The following CNIH3 variants were observed in gnomAD, a reference collection of about 807,000 sequenced individuals.
CNIH3 encodes the protein protein cornichon homolog 3.
CNIH3 carries 14 observed loss-of-function variants against 24.1 expected under a neutral mutation model. The ratio of observed to expected loss-of-function variants is 0.58; its 90% CI spans 0.38 to 0.91. CNIH3 has a LOEUF of 0.91. Ranked by LOEUF, CNIH3 falls within the 40% of genes least tolerant of loss-of-function variation. The pLI, the probability that CNIH3 is intolerant of heterozygous loss-of-function variation, is 0.00. For synonymous variants in CNIH3, 68 were observed against 73.8 expected (o/e 0.92, Z 0.40); for missense variants, 178 against 196.8 (o/e 0.90, Z 0.57).
In CNIH3 at chr1:224,684,471, T is replaced by A. The variant is rs1209834665; in HGVS notation, c.151-325T>A. Among the ~76,000 whole-genome samples the A allele has an allele frequency of 2.0e-5, 3 of 152,206 alleles. No homozygotes were observed. On this transcript the variant is annotated intron_variant, in intron 2 of 5. Coordinates refer to ENST00000272133, the MANE Select transcript of CNIH3 (RefSeq NM_152495.2). This position sits in a 1 kb window ranked among gnomAD's most constrained non-coding sequence, Gnocchi z 4.2. Reference sequence around the variant, plus strand: ...TGAACACGAGGTACCATTCAGCAGTTTGACCACCTTATACGTACATGGAGG... The same window carrying A: ...TGAACACGAGGTACCATTCAGCAGTATGACCACCTTATACGTACATGGAGG...
intron 4 of CNIH3, among the ~76,000 whole-genome samples, chr1:224,571,618 G>A (rs966425928): frequency 3.9e-5 from 6 of 152,094 alleles, no homozygotes; most frequent in African/African-American, 1.2e-4. Context: ...CCAGCTACTC[G>A]GGAGGCTGAG....
Position 224,575,018 on chromosome 1 carries a change from GGAGAA to G in CNIH3, n.517-8144_517-8140del, listed in dbSNP as rs1030273109. On this transcript the variant is annotated intron_variant and non_coding_transcript_variant, in intron 4 of 5. Coordinates refer to the CNIH3 transcript ENST00000471578. ...TTGAGTGCCACCCGTACCTCACTCA[GGAGAA>G]GTTAATCCAGTACTGCCAGTCCAAA... The G allele has an allele frequency of 3.4e-6, 3 of 876,788 alleles. No individual in the cohort carries two copies. In the African/African-American group the frequency reaches 4.9e-5, roughly 14 times the overall value. The allele number at this position is 876,788 out of a possible 1,614,324, so 54.3% of individuals were successfully genotyped here. A position where few individuals can be genotyped will look rare whatever the true frequency, so the allele number is the denominator to read the frequency against.
intron 3 of CNIH3, among the ~76,000 whole-genome samples, chr1:224,609,299 T>C (rs193244895): frequency 3.9e-5 from 6 of 152,326 alleles, no homozygotes; most frequent in African/African-American, 1.4e-4. Flanking sequence ...CACTAAACTC[T>C]CTATTCTTCT....
At chr1:224,544,127 CTGAGA>C (rs1353909771) in intron 2 of CNIH3, among the ~76,000 whole-genome samples, 2 of 152,180 alleles carry the variant, frequency 1.3e-5, no homozygotes, top group East Asian at 3.9e-4. Flanking sequence ...ATGGCATTAG[CTGAGA>C]TATTTAAGCC....
chr1:224,689,656 A>G (rs528009130), intron 3 of CNIH3, among the ~76,000 whole-genome samples: 1 of 152,302 alleles, frequency 6.6e-6, no homozygotes, highest in African/African-American at 2.4e-5. Context: ...ATTTCTTGGA[A>G]CGAGCCTCCT....
chr1:224,509,038 C>A lies in CNIH3; in HGVS notation n.204-6703C>A, dbSNP rs571885639. On this transcript the variant is annotated intron_variant and non_coding_transcript_variant, in intron 1 of 5. Coordinates refer to the CNIH3 transcript ENST00000471578. ...GCAAACCTCATGGTAAAAAAAAAGCCCTGGCTGGGCATGGTGGCTCACGCT... is the reference window on the plus strand; with the variant it reads ...GCAAACCTCATGGTAAAAAAAAAGCACTGGCTGGGCATGGTGGCTCACGCT... 7.2e-5 allele frequency among the ~76,000 whole-genome samples: 11 copies of A among 152,226 alleles called. No homozygotes were observed. The South Asian group carries it at 2.3e-3, about 32-fold the overall frequency.
chr1:224,723,853 G>T (rs1249474672), intron 3 of CNIH3, among the ~76,000 whole-genome samples: 1 of 152,182 alleles, frequency 6.6e-6, no homozygotes. Context: ...AAAGGGTTTT[G>T]AGTCACAGCC....
At chr1:224,597,289 C>T (rs1682026970) in intron 3 of CNIH3, among the ~76,000 whole-genome samples, 1 of 152,184 alleles carries the variant, frequency 6.6e-6, no homozygotes, top group South Asian at 2.1e-4. Context: ...CCCAACCTTT[C>T]TGTCTTCGAG....
In CNIH3 at chr1:224,458,423, G is replaced by T. The variant is rs960937912; in HGVS notation, n.203+23561G>T. ...ACCAGGTGTGAGGCTGCCAGGAGCCGATCGCACAAGGCTTGGCAAGGCAGA... is the reference window on the plus strand; with the variant it reads ...ACCAGGTGTGAGGCTGCCAGGAGCCTATCGCACAAGGCTTGGCAAGGCAGA... On this transcript the variant is annotated intron_variant and non_coding_transcript_variant, in intron 1 of 5. Coordinates refer to the CNIH3 transcript ENST00000471578. The surrounding 1 kb of genome is among the most constrained non-coding windows in gnomAD (Gnocchi z 4.3). Among the ~76,000 whole-genome samples the T allele has an allele frequency of 6.6e-6, 1 of 152,174 alleles. No homozygotes were observed. The highest frequency in any genetic ancestry group is 2.4e-5 in the African/African-American group (1 of 41,426).
intron 3 of CNIH3, among the ~76,000 whole-genome samples, chr1:224,725,332 G>A (rs1469988402): frequency 2.0e-5 from 3 of 152,202 alleles, no homozygotes; most frequent in Non-Finnish European, 4.4e-5. Context: ...TCCCTGGCTG[G>A]TAGGTATGGC....
intron 1 of CNIH3, among the ~76,000 whole-genome samples, chr1:224,639,043 G>A (rs1175195087): frequency 2.0e-5 from 3 of 152,220 alleles, no homozygotes; most frequent in Admixed American, 2.0e-4. Flanking sequence ...TTTCTGTTTT[G>A]CTCAGGAAAT....
At chr1:224,667,155 C>T (rs1388005631) in intron 1 of CNIH3, among the ~76,000 whole-genome samples, 1 of 152,288 alleles carries the variant, frequency 6.6e-6, no homozygotes. Flanking sequence ...GTTGACCTGG[C>T]ACAGTCCCAG....
At chr1:224,706,427 C>A (rs1332840990) in intron 3 of CNIH3, among the ~76,000 whole-genome samples, 1 of 152,128 alleles carries the variant, frequency 6.6e-6, no homozygotes, top group African/African-American at 2.4e-5. Flanking sequence ...GATTGTCTTG[C>A]TAGAGCACAT....
At chr1:224,532,604 G>A (rs2124933140) in intron 2 of CNIH3, among the ~76,000 whole-genome samples, 1 of 152,298 alleles carries the variant, frequency 6.6e-6, no homozygotes, top group Admixed American at 6.5e-5. Flanking sequence ...CAACCAACAG[G>A]TATTTATTAA....
Position 224,684,669 on chromosome 1 carries a change from C to A in CNIH3, c.151-127C>A. ...AGCCACTGGGTGGGAGCATGCTGGC[C>A]ATGTGCCCAGGAGGGGTCTCTGGTG... On this transcript the variant is annotated intron_variant, in intron 2 of 5. Coordinates refer to ENST00000272133, the MANE Select transcript of CNIH3 (RefSeq NM_152495.2). This position sits in a 1 kb window ranked among gnomAD's most constrained non-coding sequence, Gnocchi z 4.2. The A allele has an allele frequency of 1.3e-6, 1 of 789,140 alleles. No homozygotes were observed. Among genetic ancestry groups the A allele is most frequent in the Admixed American group, 1.9e-5 (1 of 52,488 alleles). The allele number at this position is 789,140 out of a possible 1,614,324, so 48.9% of individuals were successfully genotyped here.
intron 3 of CNIH3, among the ~76,000 whole-genome samples, chr1:224,547,773 C>T (rs1039238805): frequency 6.6e-5 from 10 of 151,422 alleles, no homozygotes; most frequent in African/African-American, 2.2e-4. Flanking sequence ...TTCGTAATAC[C>T]GAATGAGATA....
chr1:224,652,041 C>A (rs1283971253), intron 1 of CNIH3, among the ~76,000 whole-genome samples: 1 of 152,128 alleles, frequency 6.6e-6, no homozygotes, highest in Non-Finnish European at 1.5e-5. Flanking sequence ...ACCCTTGTCA[C>A]ACTCCTTAGC....
chr1:224,610,231 C>T (rs1682622229), intron 3 of CNIH3, among the ~76,000 whole-genome samples: 1 of 152,162 alleles, frequency 6.6e-6, no homozygotes, highest in Admixed American at 6.5e-5. Context: ...ACACTATTTT[C>T]AATTTACAAA....
chr1:224,642,227 C>T (rs1242655196), intron 1 of CNIH3, among the ~76,000 whole-genome samples: 1 of 152,072 alleles, frequency 6.6e-6, no homozygotes, highest in Non-Finnish European at 1.5e-5. Flanking sequence ...TTCTATTATG[C>T]AGATACTGTT....
Sources: gnomAD v4.1 joint callset for allele counts (sites outside exome capture counted in the v4.1 genomes callset) on GRCh38, gnomAD v4.1.1 for gene constraint, Gnocchi (gnomAD v3.1) non-coding constraint, MANE v1.5 for transcripts, NCBI Gene and HGNC (gene_info 2026-07-23, HGNC 2026-07-21) for gene names.